Variants in ADARB2 observed in about 807,000 individuals in gnomAD.
ADARB2 encodes the protein adenosine deaminase RNA specific B2 (inactive), also known as inactive double-stranded RNA-specific editase B2.
A neutral mutation model predicts 62.2 loss-of-function variants in ADARB2; 25 were observed. The observed-to-expected ratio is 0.40, with a 90% CI of 0.29 to 0.56. ADARB2 has a LOEUF of 0.56. Among genes scored for constraint, ADARB2 ranks in the 20% least tolerant of loss-of-function variants. The pLI, the probability that ADARB2 is intolerant of heterozygous loss-of-function variation, is 0.43. For synonymous variants in ADARB2, 572 were observed against 500.8 expected (o/e 1.14, Z -1.90); for missense variants, 1,071 against 1,077.4 (o/e 0.99, Z 0.08).
Position 1,217,004 on chromosome 10 carries a change from G to T in ADARB2, c.1629C>A (p.Gly543=). 1 of 1,610,524 alleles carries T rather than the reference G, an allele frequency of 6.2e-7. No homozygotes were observed. Reference sequence around the variant, plus strand: ...TGATCAGCTGCTCCCCCAGCAGGACGCCGTCCCAGGTCTGCACTGCGCTGG... The same window carrying T: ...TGATCAGCTGCTCCCCCAGCAGGACTCCGTCCCAGGTCTGCACTGCGCTGG... ...RGPSAVQTWD[G]VLLGEQLITM... The change falls in exon 7 of 10, where the codon GGC becomes GGA. Residue 543 remains glycine (G), a synonymous_variant. Coordinates refer to ENST00000381312, the MANE Select transcript of ADARB2 (RefSeq NM_018702.4).
intron 1 of ADARB2, among the ~76,000 whole-genome samples, chr10:1,510,110 C>CTCTTTCTTTTTTTCTTTCTT (rs1831909001): frequency 9.4e-6 from 1 of 106,184 alleles, no homozygotes; most frequent in Non-Finnish European, 1.9e-5. Flanking sequence ...CTTTCTTTCT[C>CTCTTTCTTTTTTTCTTTCTT]TCTTTCTTTC....
At chr10:1,355,514 T>A (rs903996465) in intron 3 of ADARB2, among the ~76,000 whole-genome samples, 1 of 152,238 alleles carries the variant, frequency 6.6e-6, no homozygotes, top group Admixed American at 6.5e-5. Context: ...GAATAATGTG[T>A]GACCCAGATT....
Position 1,451,509 on chromosome 10 carries a change from G to A in ADARB2, c.101-72349C>T, listed in dbSNP as rs1831037375. On this transcript the variant is annotated intron_variant, in intron 1 of 9. Coordinates refer to ENST00000381312, the MANE Select transcript of ADARB2 (RefSeq NM_018702.4). ...AGAGGGAACACAGCTGCAGAGAAGG[G>A]GACACACCTGTATGAGGAGGGGACA... is the stretch of plus-strand genomic sequence containing the variant. 2.0e-5 allele frequency among the ~76,000 whole-genome samples: 3 copies of A among 152,092 alleles called. No homozygotes were observed. The South Asian group carries it at 6.2e-4, about 32-fold the overall frequency.
intron 1 of ADARB2, among the ~76,000 whole-genome samples, chr10:1,568,381 C>A (rs965120803): frequency 3.3e-5 from 5 of 152,240 alleles, no homozygotes; most frequent in African/African-American, 9.6e-5. Context: ...CCTCAGCGAA[C>A]ACACGGTCCA....
Position 1,177,656 on chromosome 10 carries a change from A to C in ADARB2, c.*5537T>G, listed in dbSNP as rs1183096624. 2 of 152,150 alleles carry C rather than the reference A, an allele frequency of 1.3e-5. No individual in the cohort carries two copies. The highest frequency in any genetic ancestry group is 4.8e-5 in the African/African-American group (2 of 41,430). The allele number at this position is 152,150 out of a possible 1,614,324, so 9.4% of individuals were successfully genotyped here. A position where few individuals can be genotyped will look rare whatever the true frequency, so the allele number is the denominator to read the frequency against. On this transcript the variant is annotated 3_prime_UTR_variant, in exon 10 of 10. Transcript: ENST00000381312. ...ATCTAGGGCCTGTGTGAAAAGAGGC[A>C]CTGGGACCAGGTGATCTCGCCTTGG... is the stretch of plus-strand genomic sequence containing the variant.
chr10:1,225,352 T>C (rs2131762443), intron 6 of ADARB2, among the ~76,000 whole-genome samples: 1 of 152,344 alleles, frequency 6.6e-6, no homozygotes, highest in African/African-American at 2.4e-5. Flanking sequence ...TGATGGGTCT[T>C]GACTCTTTTT....
chr10:1,651,415 G>A (rs1381954534), intron 1 of ADARB2, among the ~76,000 whole-genome samples: 1 of 152,216 alleles, frequency 6.6e-6, no homozygotes, highest in African/African-American at 2.4e-5. Context: ...GGTCCTGCAA[G>A]CCACACCGCA....
chr10:1,503,056 A>G (rs189963632), intron 1 of ADARB2, among the ~76,000 whole-genome samples: 172 of 152,368 alleles, frequency 1.1e-3, no homozygotes, highest in African/African-American at 3.9e-3. Flanking sequence ...CACACGTATC[A>G]TATGCACATC....
chr10:1,464,536 C>A (rs1214587841), intron 1 of ADARB2, among the ~76,000 whole-genome samples: 1 of 82,086 alleles, frequency 1.2e-5, no homozygotes, highest in African/African-American at 4.0e-5. Flanking sequence ...GACACACACT[C>A]CCCCACACAC....
chr10:1,330,473 C>T lies in ADARB2; in HGVS notation c.1077+32555G>A, dbSNP rs1408060014. On this transcript the variant is annotated intron_variant, in intron 3 of 9. Transcript: ENST00000381312. ...TCAGACAGGAATAAAGATGAATTTCCTCAACCTGATAAACAGCATCTACAA... is the reference window on the plus strand; with the variant it reads ...TCAGACAGGAATAAAGATGAATTTCTTCAACCTGATAAACAGCATCTACAA... 2.6e-5 allele frequency among the ~76,000 whole-genome samples: 4 copies of T among 152,110 alleles called. No homozygotes were observed. The East Asian group carries it at 7.7e-4, about 29-fold the overall frequency.
At chr10:1,432,583 C>A (rs181191007) in intron 1 of ADARB2, among the ~76,000 whole-genome samples, 2 of 150,072 alleles carry the variant, frequency 1.3e-5, no homozygotes, top group South Asian at 2.1e-4. Flanking sequence ...AGTCCCAAGT[C>A]GAAAAGTTCC....
chr10:1,514,110 G>A (rs751000920), intron 1 of ADARB2, among the ~76,000 whole-genome samples: 32 of 144,232 alleles, frequency 2.2e-4, no homozygotes, highest in Non-Finnish European at 4.4e-4. Flanking sequence ...CTGTGAGATC[G>A]AGGCAGCAGT....
chr10:1,671,359 G>A (rs984376084), intron 1 of ADARB2, among the ~76,000 whole-genome samples: 2 of 152,180 alleles, frequency 1.3e-5, no homozygotes, highest in African/African-American at 2.4e-5. Flanking sequence ...GTTTTGCTGT[G>A]CTTTTTGTTT....
chr10:1,685,274 C>T (rs1258574340), intron 1 of ADARB2, among the ~76,000 whole-genome samples: 3 of 152,122 alleles, frequency 2.0e-5, no homozygotes, highest in African/African-American at 7.2e-5. Context: ...GAAAGAAGGA[C>T]AGAGACACAG....
At chr10:1,471,089 T>C (rs2131916753) in intron 1 of ADARB2, among the ~76,000 whole-genome samples, 1 of 151,888 alleles carries the variant, frequency 6.6e-6, no homozygotes, top group Admixed American at 6.6e-5. Context: ...AAAAAACACC[T>C]CCCATTTCTT....
At chr10:1,581,274 G>T (rs10751804) in intron 1 of ADARB2, among the ~76,000 whole-genome samples, 2 of 152,096 alleles carry the variant, frequency 1.3e-5, no homozygotes, top group Admixed American at 6.5e-5. Flanking sequence ...CAGACGTTCC[G>T]CTCGTGGGAG....
intron 1 of ADARB2, among the ~76,000 whole-genome samples, chr10:1,623,017 G>A (rs542273642): frequency 5.9e-5 from 9 of 152,258 alleles, no homozygotes; most frequent in African/African-American, 9.6e-5. Context: ...CTACGGACAC[G>A]CGCCCCAACA....
At chr10:1,446,471 G>T (rs150546396) in intron 1 of ADARB2, among the ~76,000 whole-genome samples, 1 of 152,306 alleles carries the variant, frequency 6.6e-6, no homozygotes, top group African/African-American at 2.4e-5. Context: ...CTTAACAAAT[G>T]GGCAAACTGA....
chr10:1,422,124 A>G (rs76111294), intron 1 of ADARB2, among the ~76,000 whole-genome samples: 2,466 of 152,320 alleles, frequency 0.016, 52 homozygotes, highest in African/African-American at 0.047. Flanking sequence ...CTTGGCTCTT[A>G]ACTTCCACGA....
Sources: gnomAD v4.1 joint callset for allele counts (sites outside exome capture counted in the v4.1 genomes callset) on GRCh38, gnomAD v4.1.1 for gene constraint, MANE v1.5 for transcripts, NCBI Gene and HGNC (gene_info 2026-07-23, HGNC 2026-07-21) for gene names.